The following NHSL1 variants were observed in gnomAD, a reference collection of about 807,000 sequenced individuals.
NHSL1 encodes the protein NHS-like protein 1.
NHSL1 carries 48 observed loss-of-function variants against 95.0 expected under a neutral mutation model. The observed-to-expected ratio is 0.51, with a 90% CI of 0.40 to 0.64. NHSL1 has a LOEUF of 0.64. NHSL1 is among the 30% of genes least tolerant of loss of function. The probability of loss-of-function intolerance (pLI) is 0.00; values close to 1 mark genes in which losing one functional copy is unlikely to be tolerated. For missense variants in NHSL1, 1,971 were observed against 2,077.7 expected, an observed-to-expected ratio of 0.95 and a Z score of 1.00; for synonymous variants, 783 against 833.9, an observed-to-expected ratio of 0.94 and a Z score of 1.05.
rs1196996626 is a variant in NHSL1 at position 138,424,679 on chromosome 6, C to G, written c.4223G>C (p.Ser1408Thr). ...SPKQVGSIQRSIRKSSTSSDN... is the reference protein window; with the variant it reads ...SPKQVGSIQRTIRKSSTSSDN... The stretch of plus-strand genomic sequence containing the variant: ...ACTGCTGGTGCTGCTCTTTCGGATG[C>G]TTCTCTGAATCGACCCCACTTGCTT... The change falls in exon 8 of 8, where the codon AGC (serine) becomes ACC (threonine). Residue 1408 changes from serine (S) to threonine (T), a missense_variant. This residue lies in a region of NHSL1 where 146 missense variants were observed against 206.3 expected (regional missense o/e 0.71). Transcript: ENST00000343505. This position sits in a 1 kb window ranked among gnomAD's most constrained non-coding sequence, Gnocchi z 5.9. The G allele has an allele frequency of 1.3e-6, 2 of 1,551,602 alleles. No homozygotes were observed. The highest frequency in any genetic ancestry group is 2.4e-5 in the South Asian group (2 of 84,044).
intron 3 of NHSL1, among the ~76,000 whole-genome samples, chr6:138,461,640 C>T (rs556484546): frequency 2.6e-5 from 4 of 152,078 alleles, no homozygotes; most frequent in African/African-American, 9.6e-5. Flanking sequence ...TAAGTGTGCG[C>T]TGGGGATAAA....
chr6:138,585,642 A>G (rs1784123897), intron 1 of NHSL1, among the ~76,000 whole-genome samples: 1 of 152,188 alleles, frequency 6.6e-6, no homozygotes, highest in Non-Finnish European at 1.5e-5. Context: ...TAAGGAAAAA[A>G]AAAAGTGAAC....
At chr6:138,494,025 A>G (rs1020294377) in intron 2 of NHSL1, among the ~76,000 whole-genome samples, 2 of 152,220 alleles carry the variant, frequency 1.3e-5, no homozygotes, top group African/African-American at 4.8e-5. Context: ...AAGATACTGG[A>G]AGATACATTA....
At chr6:138,640,693 G>A (rs1784948544) in intron 1 of NHSL1, among the ~76,000 whole-genome samples, 1 of 152,144 alleles carries the variant, frequency 6.6e-6, no homozygotes, top group Non-Finnish European at 1.5e-5. Context: ...AAGGCTTCTG[G>A]TCAACAGAAG....
At chr6:138,646,589 A>G (rs987722904) in intron 1 of NHSL1, among the ~76,000 whole-genome samples, 5 of 152,166 alleles carry the variant, frequency 3.3e-5, no homozygotes, top group African/African-American at 9.7e-5. Context: ...GGAATACACA[A>G]CTCCCTCAAT....
chr6:138,427,859 C>G (rs1775363143), intron 7 of NHSL1, among the ~76,000 whole-genome samples: 1 of 152,202 alleles, frequency 6.6e-6, no homozygotes, highest in Non-Finnish European at 1.5e-5. Context: ...TTTACTATGT[C>G]TGCTAATTTA....
At chr6:138,464,454 G>A (rs937019262) in intron 3 of NHSL1, 7 of 277,736 alleles carry the variant, frequency 2.5e-5, no homozygotes, top group East Asian at 1.6e-4. Context: ...GCCCTAGGCC[G>A]CTGGAGAACA....
At chr6:138,634,485 G>A (rs1468061969) in intron 1 of NHSL1, among the ~76,000 whole-genome samples, 1 of 152,078 alleles carries the variant, frequency 6.6e-6, no homozygotes, top group Non-Finnish European at 1.5e-5. Context: ...TAATGATAAA[G>A]GTGTCAATTC....
At chr6:138,499,190 CAT>C in intron 1 of NHSL1, 41 bp downstream of exon 1, 1 of 1,305,754 alleles carries the variant, frequency 7.7e-7, no homozygotes, top group Non-Finnish European at 1.1e-6. Flanking sequence ...CATATGGAAA[CAT>C]ATGCACACAA....
chr6:138,523,702 T>A (rs1781788894), intron 1 of NHSL1, among the ~76,000 whole-genome samples: 1 of 143,976 alleles, frequency 6.9e-6, no homozygotes, highest in African/African-American at 2.6e-5. Flanking sequence ...CACAGGGGAA[T>A]TCTTGGTTGG....
At chr6:138,638,827 G>A (rs917253182) in intron 1 of NHSL1, among the ~76,000 whole-genome samples, 3 of 152,130 alleles carry the variant, frequency 2.0e-5, no homozygotes, top group Admixed American at 2.0e-4. Flanking sequence ...CAGAATACAG[G>A]AAACTCGGCC....
At position 138,429,823 on chromosome 6, in the gene NHSL1, C is replaced by T. The variant is rs541536505; in HGVS notation, c.3973G>A (p.Ala1325Thr). 17 of 1,551,408 alleles carry T rather than the reference C, an allele frequency of 1.1e-5. No individual in the cohort carries two copies. The East Asian group carries it at 2.0e-4, about 18-fold the overall frequency. The change falls in exon 7 of 8, where the codon GCA (alanine) becomes ACA (threonine). Residue 1325 changes from alanine (A) to threonine (T), a missense_variant. This residue lies in a region of NHSL1 where 146 missense variants were observed against 206.3 expected (regional missense o/e 0.71). Transcript: ENST00000343505. ...DGAAGVPETN[A>T]AGSSSEACDF... ...CAGGCCTCTGAGGATGAACCGGCTG[C>T]GTTGGTCTCCGGCACCCCAGCTACA... is the stretch of plus-strand genomic sequence containing the variant.
chr6:138,640,171 T>C (rs1052356248), intron 1 of NHSL1, among the ~76,000 whole-genome samples: 4 of 152,180 alleles, frequency 2.6e-5, no homozygotes, highest in African/African-American at 9.6e-5. Flanking sequence ...AGCATCTTGG[T>C]GCCCATCTAG....
intron 1 of NHSL1, among the ~76,000 whole-genome samples, chr6:138,621,769 T>C (rs1024798473): frequency 3.9e-5 from 6 of 151,992 alleles, no homozygotes; most frequent in African/African-American, 1.2e-4. Context: ...AAACCAAAAG[T>C]AAGGGGGCAG....
At chr6:138,662,618 C>T (rs1300842901) in intron 1 of NHSL1, among the ~76,000 whole-genome samples, 2 of 152,110 alleles carry the variant, frequency 1.3e-5, no homozygotes, top group Non-Finnish European at 2.9e-5. Flanking sequence ...TCATTTCAAA[C>T]AAACAAGTGA....
chr6:138,520,404 C>T (rs370813685), intron 1 of NHSL1, among the ~76,000 whole-genome samples: 4 of 150,632 alleles, frequency 2.7e-5, no homozygotes, highest in Admixed American at 2.0e-4. Context: ...TTCTCCTGCC[C>T]TCCACCTTCC....
intron 3 of NHSL1, among the ~76,000 whole-genome samples, chr6:138,465,757 T>G (rs1170888437): frequency 1.4e-5 from 2 of 147,590 alleles, no homozygotes; most frequent in Non-Finnish European, 3.0e-5. Flanking sequence ...AGAGTCTAGC[T>G]CTGTCGCCTA....
chr6:138,692,170 G>C lies in NHSL1; in HGVS notation c.96+306C>G, dbSNP rs1002549880. On this transcript the variant is annotated intron_variant, in intron 1 of 3. Coordinates refer to the NHSL1 transcript ENST00000491526. This position sits in a 1 kb window ranked among gnomAD's most constrained non-coding sequence, Gnocchi z 4.0. ...CTCTCCTCTGTCTACAGCGCCCCGG[G>C]GTCTCCCAAACAGACAGACACAGAC... 1 of 456,684 alleles carries C rather than the reference G, an allele frequency of 2.2e-6. No individual in the cohort carries two copies. Among genetic ancestry groups the C allele is most frequent in the Non-Finnish European group, 4.4e-6 (1 of 226,958 alleles). 28.3% of individuals were successfully genotyped at this position (456,684 alleles called of 1,614,324 possible). A position where few individuals can be genotyped will look rare whatever the true frequency, so the allele number is the denominator to read the frequency against.
chr6:138,431,832 G>T lies in NHSL1; in HGVS notation c.2513C>A (p.Ser838Ter). ...PGGSVKPKIM[S>*]PEKSHRVISP... ...AATGACTCTGTGTGACTTCTCTGGTGACATGATCTTTGGTTTGACTGAACC... is the reference window on the plus strand; with the variant it reads ...AATGACTCTGTGTGACTTCTCTGGTTACATGATCTTTGGTTTGACTGAACC... Residue 838 changes from serine (S) to a stop codon, truncating the protein, a stop_gained, in exon 6 of 8, where the codon TCA becomes TAA. Coordinates refer to ENST00000343505, the MANE Select transcript of NHSL1 (RefSeq NM_001144060.2). LOFTEE classifies it high-confidence loss of function. This position sits in a 1 kb window ranked among gnomAD's most constrained non-coding sequence, Gnocchi z 4.0. 1 of 1,551,706 alleles carries T rather than the reference G, an allele frequency of 6.4e-7. No homozygotes were observed. The highest frequency in any genetic ancestry group is 8.7e-7 in the Non-Finnish European group (1 of 1,146,988).
Sources: gnomAD v4.1 joint callset for allele counts (sites outside exome capture counted in the v4.1 genomes callset) on GRCh38, gnomAD v4.1.1 for gene constraint, gnomAD v4.1.1 regional missense constraint, Gnocchi (gnomAD v3.1) non-coding constraint, MANE v1.5 for transcripts, NCBI Gene and HGNC (gene_info 2026-07-23, HGNC 2026-07-21) for gene names.